Variants in GSK3B observed in about 807,000 individuals in gnomAD.
GSK3B encodes the protein glycogen synthase kinase 3 beta, also known as glycogen synthase kinase-3 beta.
A neutral mutation model predicts 56.4 loss-of-function variants in GSK3B; 15 were observed. That is an observed-to-expected ratio of 0.27 (90% CI 0.18 to 0.41). The LOEUF (loss-of-function observed/expected upper bound fraction) is 0.41, where lower values mean the gene tolerates loss of function less well. GSK3B is among the 10% of genes least tolerant of loss of function. The pLI is 1.00. For synonymous variants in GSK3B, 181 were observed against 188.9 expected, an observed-to-expected ratio of 0.96 and a Z score of 0.34; for missense variants, 300 against 513.4, an observed-to-expected ratio of 0.58 and a Z score of 4.02.
In GSK3B at chr3:119,975,512, A is replaced by G. The variant is rs2057401661; in HGVS notation, c.282+26534T>C. ...GGCACCTTAAATGCATATTGCTGAG[A>G]AAAAAAGCTAATCTGAAAAGGCTAT... On this transcript the variant is annotated intron_variant, in intron 2 of 10. Coordinates refer to ENST00000264235, the MANE Select transcript of GSK3B (RefSeq NM_001146156.2). Among the ~76,000 whole-genome samples, 3 of 152,320 alleles carry G rather than the reference A, an allele frequency of 2.0e-5. No individual in the cohort carries two copies. The South Asian group carries it at 6.2e-4, about 32-fold the overall frequency.
intron 2 of GSK3B, among the ~76,000 whole-genome samples, chr3:119,961,632 C>CAAA (rs1211316414): frequency 1.0e-5 from 1 of 95,872 alleles, no homozygotes; most frequent in African/African-American, 3.2e-5. Context: ...GTCTCACAAA[C>CAAA]AAAAAAAAAA....
chr3:119,853,678 A>T (rs911426671), intron 9 of GSK3B, among the ~76,000 whole-genome samples: 1 of 152,062 alleles, frequency 6.6e-6, no homozygotes, highest in Non-Finnish European at 1.5e-5. Flanking sequence ...ATTCTCTTTG[A>T]AGCAATTGTG....
At chr3:119,828,017 C>T (rs1340523119) in intron 10 of GSK3B, among the ~76,000 whole-genome samples, 1 of 152,094 alleles carries the variant, frequency 6.6e-6, no homozygotes, top group African/African-American at 2.4e-5. Context: ...ATGAATATCC[C>T]ATTTACCCTG....
intron 2 of GSK3B, among the ~76,000 whole-genome samples, chr3:119,982,899 T>A (rs993720381): frequency 6.6e-6 from 1 of 151,904 alleles, no homozygotes; most frequent in Admixed American, 6.6e-5. Flanking sequence ...CCAAGACACA[T>A]AATTGACAGA....
chr3:119,891,609 T>A (rs1404030187), intron 7 of GSK3B, among the ~76,000 whole-genome samples: 1 of 152,098 alleles, frequency 6.6e-6, no homozygotes, highest in Non-Finnish European at 1.5e-5. Context: ...AGATGGAAAT[T>A]TTTTTTCCTC....
At chr3:120,048,604 T>C (rs528797350) in intron 1 of GSK3B, among the ~76,000 whole-genome samples, 1 of 152,322 alleles carries the variant, frequency 6.6e-6, no homozygotes, top group South Asian at 2.1e-4. Flanking sequence ...ATTTATGTAC[T>C]GTGCTTAGAA....
intron 2 of GSK3B, among the ~76,000 whole-genome samples, chr3:119,988,252 T>C (rs1239594968): frequency 1.3e-5 from 2 of 152,218 alleles, no homozygotes; most frequent in Non-Finnish European, 2.9e-5. Flanking sequence ...TTTTAACATA[T>C]TGCTAATCCT....
intron 8 of GSK3B, among the ~76,000 whole-genome samples, chr3:119,867,205 G>C (rs1440649705): frequency 6.6e-6 from 1 of 152,156 alleles, no homozygotes; most frequent in Non-Finnish European, 1.5e-5. Flanking sequence ...TTTCAAGCCA[G>C]ATACTTTCAA....
chr3:119,971,053 G>A (rs538737831), intron 2 of GSK3B, among the ~76,000 whole-genome samples: 1 of 152,200 alleles, frequency 6.6e-6, no homozygotes, highest in Admixed American at 6.5e-5. Flanking sequence ...ATATCATTAA[G>A]GTAAAAGTTT....
At chr3:119,951,054 G>C (rs753168433) in intron 2 of GSK3B, among the ~76,000 whole-genome samples, 2 of 152,178 alleles carry the variant, frequency 1.3e-5, no homozygotes, top group Non-Finnish European at 2.9e-5. Context: ...TAGAGAAAAT[G>C]ACAGACTAGA....
intron 1 of GSK3B, among the ~76,000 whole-genome samples, chr3:120,032,374 C>A (rs569009822): frequency 6.6e-6 from 1 of 152,016 alleles, no homozygotes; most frequent in African/African-American, 2.4e-5. Context: ...ACTCAGGAGG[C>A]CAAGGCAGGA....
At chr3:120,090,233 A>T (rs867191071) in intron 1 of GSK3B, among the ~76,000 whole-genome samples, 2,588 of 150,240 alleles carry the variant, frequency 0.017, 64 homozygotes, top group African/African-American at 0.06. Flanking sequence ...CTGTATATAA[A>T]AAAAAAAAAA....
At chr3:120,091,180 C>A (rs1347546116) in intron 1 of GSK3B, among the ~76,000 whole-genome samples, 1 of 152,108 alleles carries the variant, frequency 6.6e-6, no homozygotes, top group Non-Finnish European at 1.5e-5. Context: ...TCCCCATAGC[C>A]TCCCTCTACA....
intron 3 of GSK3B, among the ~76,000 whole-genome samples, chr3:119,936,162 C>T (rs1328132223): frequency 6.6e-6 from 1 of 151,790 alleles, no homozygotes; most frequent in African/African-American, 2.4e-5. Flanking sequence ...CCACTAAAAT[C>T]AGGAGCAAGA....
intron 9 of GSK3B, among the ~76,000 whole-genome samples, chr3:119,861,502 C>A (rs2056100877): frequency 6.7e-6 from 1 of 148,524 alleles, no homozygotes; most frequent in Non-Finnish European, 1.5e-5. Context: ...CAGAGTGAGA[C>A]TCCGTCTCAA....
intron 9 of GSK3B, among the ~76,000 whole-genome samples, chr3:119,853,621 T>C (rs951070024): frequency 2.6e-5 from 4 of 152,220 alleles, no homozygotes; most frequent in African/African-American, 9.6e-5. Context: ...TAGTTCTCCT[T>C]GACGAGGTCC....
At chr3:120,043,078 C>T (rs143154228) in intron 1 of GSK3B, among the ~76,000 whole-genome samples, 6 of 152,276 alleles carry the variant, frequency 3.9e-5, no homozygotes, top group South Asian at 2.1e-4. Context: ...TTAGCACAGG[C>T]GCTAACCCTG....
At chr3:120,011,731 G>A (rs1045991719) in intron 1 of GSK3B, among the ~76,000 whole-genome samples, 12 of 152,296 alleles carry the variant, frequency 7.9e-5, no homozygotes, top group African/African-American at 9.6e-5. Context: ...AGCAACTAGC[G>A]TGCCAAGGAA....
intron 7 of GSK3B, among the ~76,000 whole-genome samples, chr3:119,899,905 G>A (rs760930309): frequency 1.5e-4 from 23 of 151,920 alleles, no homozygotes; most frequent in Admixed American, 1.3e-3. Flanking sequence ...AATGAAGCCC[G>A]CCCATCTACT....
Sources: gnomAD v4.1 joint callset for allele counts (sites outside exome capture counted in the v4.1 genomes callset) on GRCh38, gnomAD v4.1.1 for gene constraint, MANE v1.5 for transcripts, NCBI Gene and HGNC (gene_info 2026-07-23, HGNC 2026-07-21) for gene names.